Variants in ELMO1 observed in about 807,000 individuals in gnomAD.
The protein encoded by ELMO1 is engulfment and cell motility 1, also known as engulfment and cell motility protein 1.
A neutral mutation model predicts 98.9 loss-of-function variants in ELMO1; 26 were observed. That is an observed-to-expected ratio of 0.26 (90% CI 0.19 to 0.36). The LOEUF is 0.36. Ranked by LOEUF, ELMO1 falls within the 10% of genes least tolerant of loss-of-function variation. The pLI, the probability that ELMO1 is intolerant of heterozygous loss-of-function variation, is 1.00. For synonymous variants in ELMO1, 346 were observed against 346.0 expected (o/e 1.00, Z 0.00); for missense variants, 627 against 935.2 (o/e 0.67, Z 4.30).
At chr7:37,088,651 T>A (rs1783910530) in intron 15 of ELMO1, among the ~76,000 whole-genome samples, 2 of 152,164 alleles carry the variant, frequency 1.3e-5, no homozygotes, top group Admixed American at 1.3e-4. Flanking sequence ...AGTCCTCGTA[T>A]CAACTATGCC....
At chr7:37,267,200 T>C (rs2723974) in intron 5 of ELMO1, among the ~76,000 whole-genome samples, 77,567 of 151,810 alleles carry the variant, frequency 0.51, 20,062 homozygotes, top group Middle Eastern at 0.62. Flanking sequence ...ATACATACAC[T>C]TCCCTTCCAC....
At chr7:37,302,706 A>T (rs1433756685) in intron 4 of ELMO1, among the ~76,000 whole-genome samples, 3 of 152,160 alleles carry the variant, frequency 2.0e-5, no homozygotes, top group Non-Finnish European at 4.4e-5. Context: ...TCATGTCCAA[A>T]TCCTGGCCTG....
At chr7:37,344,917 T>C (rs1013866527) in intron 1 of ELMO1, among the ~76,000 whole-genome samples, 4 of 152,226 alleles carry the variant, frequency 2.6e-5, no homozygotes, top group Non-Finnish European at 2.9e-5. Flanking sequence ...CATGTGCATT[T>C]GGTCCTTTAC....
intron 7 of ELMO1, among the ~76,000 whole-genome samples, chr7:37,234,278 C>T (rs1794340682): frequency 6.6e-6 from 1 of 152,104 alleles, no homozygotes; most frequent in African/African-American, 2.4e-5. Flanking sequence ...TATTGATATC[C>T]TACAAAGTCT....
chr7:37,039,396 T>C (rs1237036852), intron 15 of ELMO1, among the ~76,000 whole-genome samples: 4 of 152,234 alleles, frequency 2.6e-5, no homozygotes, highest in African/African-American at 9.6e-5. Context: ...GGTTCTCTTC[T>C]AGCAGGCTCC....
intron 16 of ELMO1, among the ~76,000 whole-genome samples, chr7:36,985,335 T>TA (rs924727227): frequency 5.9e-5 from 9 of 152,164 alleles, no homozygotes; most frequent in Middle Eastern, 6.8e-3. Flanking sequence ...TGCAATTAAT[T>TA]AAAAAACATA....
chr7:36,894,682 C>T (rs1373432398), intron 17 of ELMO1, among the ~76,000 whole-genome samples, 172 bp downstream of exon 17: 1 of 152,224 alleles, frequency 6.6e-6, no homozygotes, highest in Non-Finnish European at 1.5e-5. Flanking sequence ...CAGCCCAGCC[C>T]TTCCTCAAGG....
intron 13 of ELMO1, among the ~76,000 whole-genome samples, chr7:37,176,666 C>T (rs971916329): frequency 2.0e-5 from 3 of 152,208 alleles, no homozygotes; most frequent in African/African-American, 7.2e-5. Flanking sequence ...CTTTTCCCTC[C>T]TATTACAATT....
chr7:37,292,365 G>A lies in ELMO1; in HGVS notation c.193-20483C>T, dbSNP rs368585888. Among the ~76,000 whole-genome samples the A allele has an allele frequency of 1.8e-4, 15 of 83,192 alleles. 1 individual carries two copies. The East Asian group carries it at 3.5e-3, about 20-fold the overall frequency. 54.6% of individuals were successfully genotyped at this position (83,192 alleles called of 152,430 possible). A position where few individuals can be genotyped will look rare whatever the true frequency, so the allele number is the denominator to read the frequency against. ...CCGAGATTGCAGCCTCTGCCCGGCC[G>A]CCACCCCGTCTGGGAAGTGAGGAGC... is the stretch of plus-strand genomic sequence containing the variant. On this transcript the variant is annotated intron_variant, in intron 4 of 21. Transcript: ENST00000310758.
intron 16 of ELMO1, chr7:36,986,320 C>T (rs1357471704): frequency 2.2e-6 from 2 of 927,072 alleles, no homozygotes; most frequent in Admixed American, 6.2e-5. Flanking sequence ...CTTAGAGTAT[C>T]ACAAGAGAAA....
At chr7:37,361,553 C>T (rs1284373159) in intron 1 of ELMO1, among the ~76,000 whole-genome samples, 1 of 152,206 alleles carries the variant, frequency 6.6e-6, no homozygotes, top group Non-Finnish European at 1.5e-5. Context: ...CCATCTGAGT[C>T]TTTACAGAAA....
chr7:36,941,277 T>C (rs999160871), intron 16 of ELMO1, among the ~76,000 whole-genome samples: 1 of 152,244 alleles, frequency 6.6e-6, no homozygotes, highest in Admixed American at 6.5e-5. Flanking sequence ...TGTTTGGTAT[T>C]TGCATTATCT....
At chr7:37,101,791 T>C (rs1378211428) in intron 14 of ELMO1, among the ~76,000 whole-genome samples, 3 of 151,594 alleles carry the variant, frequency 2.0e-5, no homozygotes, top group Admixed American at 6.6e-5. Flanking sequence ...TAAAACGGAG[T>C]CTGTCTGGCT....
At chr7:36,980,067 G>T (rs768952864) in intron 16 of ELMO1, among the ~76,000 whole-genome samples, 1 of 152,206 alleles carries the variant, frequency 6.6e-6, no homozygotes, top group Non-Finnish European at 1.5e-5. Flanking sequence ...CAAAGGAAAA[G>T]AGAAGTTAGC....
chr7:37,116,390 C>A (rs1297649618), intron 14 of ELMO1, among the ~76,000 whole-genome samples: 4 of 152,024 alleles, frequency 2.6e-5, no homozygotes, highest in Non-Finnish European at 5.9e-5. Context: ...TAAAAATGGA[C>A]AATATGGGCT....
At chr7:36,975,755 G>A (rs1395801441) in intron 16 of ELMO1, among the ~76,000 whole-genome samples, 1 of 150,472 alleles carries the variant, frequency 6.6e-6, no homozygotes, top group Non-Finnish European at 1.5e-5. Flanking sequence ...GCTAAGGCAG[G>A]AGAATTGCTT....
At chr7:37,332,178 A>G (rs563983145) in intron 2 of ELMO1, among the ~76,000 whole-genome samples, 18 of 152,352 alleles carry the variant, frequency 1.2e-4, no homozygotes, top group Admixed American at 1.1e-3. Context: ...GCTTTGATGG[A>G]AAGACACACA....
intron 16 of ELMO1, among the ~76,000 whole-genome samples, chr7:36,937,965 G>A (rs1786692058): frequency 6.6e-6 from 1 of 152,196 alleles, no homozygotes. Flanking sequence ...TCTAGAAGCT[G>A]CAAATAATGT....
rs550732571 is a variant in ELMO1, at chr7:37,142,860, C to T, written c.1087-9626G>A. Among the ~76,000 whole-genome samples the T allele has an allele frequency of 5.3e-4, 81 of 152,116 alleles. No individual in the cohort carries two copies. In the Middle Eastern group the frequency reaches 0.024, roughly 45 times the overall value. On this transcript the variant is annotated intron_variant, in intron 13 of 21. Transcript: ENST00000310758. ...TCTCTGAACCTAATTCTAACAATTC[C>T]CCAAAGCTATATGTTAGTGAAGCTG...
Sources: gnomAD v4.1 joint callset for allele counts (sites outside exome capture counted in the v4.1 genomes callset) on GRCh38, gnomAD v4.1.1 for gene constraint, MANE v1.5 for transcripts, NCBI Gene and HGNC (gene_info 2026-07-23, HGNC 2026-07-21) for gene names.